GRM5: variants seen among roughly 807,000 people sequenced by gnomAD.
GRM5 encodes the protein metabotropic glutamate receptor 5.
GRM5 carries 19 observed loss-of-function variants against 83.1 expected under a neutral mutation model. The observed-to-expected ratio is 0.23, with a 90% CI of 0.16 to 0.34. GRM5 has a LOEUF of 0.34. GRM5 is among the 10% of genes least tolerant of loss of function. GRM5 has a pLI of 1.00. For missense variants in GRM5, 1,160 were observed against 1,588.3 expected, an observed-to-expected ratio of 0.73 and a Z score of 4.58; for synonymous variants, 675 against 633.6, an observed-to-expected ratio of 1.07 and a Z score of -0.98.
At position 88,917,691 on chromosome 11, in the gene GRM5, C is replaced by A. The variant is rs1482705496; in HGVS notation, c.662-67536G>T. ...ATTCTGGAACAGCCCTATTAACTGA[C>A]AAACAGAAAAATGCATCAGAGTCTC... On this transcript the variant is annotated intron_variant, in intron 2 of 9. Transcript: ENST00000305447. Among the ~76,000 whole-genome samples the A allele has an allele frequency of 2.0e-5, 3 of 151,966 alleles. No individual in the cohort carries two copies. In the East Asian group the frequency reaches 5.8e-4, roughly 29 times the overall value.
chr11:89,024,612 A>G (rs1324372292), intron 2 of GRM5, among the ~76,000 whole-genome samples: 1 of 152,228 alleles, frequency 6.6e-6, no homozygotes, highest in African/African-American at 2.4e-5. Context: ...CAAGATCAAA[A>G]TAACAGAAAA....
chr11:88,818,829 T>TA (rs1302225687), intron 3 of GRM5, among the ~76,000 whole-genome samples: 2 of 152,086 alleles, frequency 1.3e-5, no homozygotes, highest in Admixed American at 6.5e-5. Context: ...AAAGGGAAAT[T>TA]AAAAAAAGAC....
chr11:88,832,492 C>T (rs775790223), intron 3 of GRM5, among the ~76,000 whole-genome samples: 9 of 152,002 alleles, frequency 5.9e-5, no homozygotes, highest in East Asian at 1.9e-4. Context: ...GAAGACATCC[C>T]GTATTCATAG....
chr11:88,704,960 G>C (rs1191693398), intron 3 of GRM5, among the ~76,000 whole-genome samples: 1 of 151,842 alleles, frequency 6.6e-6, no homozygotes, highest in Non-Finnish European at 1.5e-5. Context: ...CCTTTATTTT[G>C]TAATTTTCCT....
intron 2 of GRM5, among the ~76,000 whole-genome samples, chr11:88,928,238 A>G (rs1419619471): frequency 6.6e-6 from 1 of 152,072 alleles, no homozygotes; most frequent in Non-Finnish European, 1.5e-5. Context: ...CTGGGTTTTA[A>G]TTGTAATAAG....
intron 3 of GRM5, among the ~76,000 whole-genome samples, chr11:88,733,103 A>G (rs545020469): frequency 2.0e-4 from 30 of 152,132 alleles, no homozygotes; most frequent in Middle Eastern, 6.8e-3. Context: ...TTCATTTTCT[A>G]TAGGATAGAA....
At chr11:88,645,017 C>G (rs190357033) in intron 4 of GRM5, among the ~76,000 whole-genome samples, 2 of 152,166 alleles carry the variant, frequency 1.3e-5, no homozygotes, top group East Asian at 3.9e-4. Context: ...AGTTCAAAAA[C>G]CACAATGGTA....
At chr11:89,001,786 G>A (rs1321401007) in intron 2 of GRM5, among the ~76,000 whole-genome samples, 8 of 152,078 alleles carry the variant, frequency 5.3e-5, no homozygotes, top group Admixed American at 5.2e-4. Flanking sequence ...TACTATAAAA[G>A]GGTCCTAACA....
At chr11:89,062,328 A>G (rs1942012758) in intron 1 of GRM5, among the ~76,000 whole-genome samples, 1 of 152,206 alleles carries the variant, frequency 6.6e-6, no homozygotes, top group East Asian at 1.9e-4. Flanking sequence ...CATGCAACTA[A>G]GACTTCCACA....
intron 1 of GRM5, among the ~76,000 whole-genome samples, chr11:89,061,538 A>C (rs1053031871): frequency 6.6e-6 from 1 of 152,258 alleles, no homozygotes; most frequent in Non-Finnish European, 1.5e-5. Context: ...CATGAAACAC[A>C]ACAATGTTAA....
chr11:88,787,755 A>T (rs1290890251), intron 3 of GRM5, among the ~76,000 whole-genome samples: 1 of 152,144 alleles, frequency 6.6e-6, no homozygotes, highest in African/African-American at 2.4e-5. Context: ...AGGAAAAACA[A>T]GTCTTCATTT....
At chr11:88,574,597 T>A (rs886771811) in intron 7 of GRM5, among the ~76,000 whole-genome samples, 1 of 152,036 alleles carries the variant, frequency 6.6e-6, no homozygotes, top group African/African-American at 2.4e-5. Flanking sequence ...TGAAACTCCA[T>A]CTCTACTAAA....
At position 88,593,845 on chromosome 11, in the gene GRM5, G is replaced by C. The variant is rs183668445; in HGVS notation, c.1564-3118C>G. On this transcript the variant is annotated intron_variant, in intron 6 of 9. Coordinates refer to ENST00000305447, the MANE Select transcript of GRM5 (RefSeq NM_001143831.3). ...GTCTCACTCTGTCGCCCAGGCTGGA[G>C]TGCAGTGGCGCCATCTCGGCTCACT... Among the ~76,000 whole-genome samples, 1,466 of 148,214 alleles carry C rather than the reference G, an allele frequency of 9.9e-3. 19 individuals carry two copies. The highest frequency in any genetic ancestry group is 0.074 in the East Asian group (362 of 4,884).
chr11:88,813,325 A>C lies in GRM5; in HGVS notation c.911+36581T>G, dbSNP rs78697601. On this transcript the variant is annotated intron_variant, in intron 3 of 9. Transcript: ENST00000305447. ...GTGCATGAATGATTAATGGAACAGCACAAAGGGGAGCACCCCAGGCTGGGG... is the reference window on the plus strand; with the variant it reads ...GTGCATGAATGATTAATGGAACAGCCCAAAGGGGAGCACCCCAGGCTGGGG... Among the ~76,000 whole-genome samples, 6 of 152,036 alleles carry C rather than the reference A, an allele frequency of 3.9e-5. No homozygotes were observed. The South Asian group carries it at 1.2e-3, about 31-fold the overall frequency.
At chr11:88,886,406 T>C (rs1441997901) in intron 2 of GRM5, among the ~76,000 whole-genome samples, 1 of 152,128 alleles carries the variant, frequency 6.6e-6, no homozygotes, top group Non-Finnish European at 1.5e-5. Context: ...TTGGCTTCCA[T>C]TTTAGAACCA....
At chr11:88,682,620 T>G (rs944156217) in intron 3 of GRM5, among the ~76,000 whole-genome samples, 1 of 152,184 alleles carries the variant, frequency 6.6e-6, no homozygotes, top group African/African-American at 2.4e-5. Flanking sequence ...CATTAATTAC[T>G]TTTTGACAGT....
chr11:88,777,398 G>T (rs12295165), intron 3 of GRM5, among the ~76,000 whole-genome samples: 3,821 of 152,096 alleles, frequency 0.025, 168 homozygotes, highest in African/African-American at 0.088. Flanking sequence ...CTTTAGCTTG[G>T]AGAAATTTGT....
At chr11:89,015,655 G>C (rs1940834395) in intron 2 of GRM5, among the ~76,000 whole-genome samples, 1 of 152,112 alleles carries the variant, frequency 6.6e-6, no homozygotes, top group Non-Finnish European at 1.5e-5. Context: ...AAAAGCCCAG[G>C]TAGCACTAAA....
intron 2 of GRM5, among the ~76,000 whole-genome samples, chr11:88,931,319 G>A (rs1426155892): frequency 6.6e-6 from 1 of 151,710 alleles, no homozygotes; most frequent in Non-Finnish European, 1.5e-5. Flanking sequence ...ACATAATTGA[G>A]TAAAATATAT....
Sources: allele counts gnomAD v4.1 joint callset (sites outside exome capture counted in the v4.1 genomes callset), GRCh38; gene constraint gnomAD v4.1.1; transcripts MANE v1.5; gene names NCBI Gene and HGNC (gene_info 2026-07-23, HGNC 2026-07-21).